The following TTLL11 variants were observed in gnomAD, a reference collection of about 807,000 sequenced individuals.
TTLL11 encodes tubulin polyglutamylase TTLL11.
TTLL11 carries 42 observed loss-of-function variants against 51.7 expected under a neutral mutation model. That is an observed-to-expected ratio of 0.81 (90% CI 0.64 to 1.05). The LOEUF (loss-of-function observed/expected upper bound fraction) is 1.05. Ranked by LOEUF, TTLL11 falls within the 50% of genes least tolerant of loss-of-function variation. The pLI is 0.00. For missense variants in TTLL11, 799 were observed against 940.4 expected, an observed-to-expected ratio of 0.85 and a Z score of 1.97; for synonymous variants, 381 against 383.5, an observed-to-expected ratio of 0.99 and a Z score of 0.08.
intron 3 of TTLL11, among the ~76,000 whole-genome samples, chr9:122,011,161 C>T (rs1319775982): frequency 6.6e-6 from 1 of 152,192 alleles, no homozygotes; most frequent in Non-Finnish European, 1.5e-5. Context: ...CTCTCATTCT[C>T]ACTTGCCTGC....
chr9:121,885,976 G>A (rs1838998218), intron 6 of TTLL11, among the ~76,000 whole-genome samples: 1 of 152,170 alleles, frequency 6.6e-6, no homozygotes, highest in African/African-American at 2.4e-5. Context: ...GAAACCTTCT[G>A]CCTTGGACTC....
chr9:121,899,130 C>T (rs781758263), intron 6 of TTLL11, among the ~76,000 whole-genome samples: 13 of 152,086 alleles, frequency 8.5e-5, no homozygotes, highest in Non-Finnish European at 1.5e-4. Context: ...CACCTTGCAG[C>T]TCCTTGAACT....
chr9:122,003,107 G>C (rs574975060), intron 3 of TTLL11, among the ~76,000 whole-genome samples: 1 of 152,182 alleles, frequency 6.6e-6, no homozygotes, highest in African/African-American at 2.4e-5. Context: ...AGGATGTCAA[G>C]ATAGAATACC....
chr9:121,991,837 T>G (rs1843123485), intron 3 of TTLL11, among the ~76,000 whole-genome samples: 1 of 152,130 alleles, frequency 6.6e-6, no homozygotes, highest in African/African-American at 2.4e-5. Context: ...CATCACCCAG[T>G]ACTCTCAAAA....
chr9:121,849,577 C>T (rs1310683650), intron 8 of TTLL11, among the ~76,000 whole-genome samples: 1 of 152,068 alleles, frequency 6.6e-6, no homozygotes, highest in Non-Finnish European at 1.5e-5. Context: ...TCAATTAAAA[C>T]ATGGGCAAAA....
intron 3 of TTLL11, among the ~76,000 whole-genome samples, chr9:122,029,550 G>A (rs1030293784): frequency 2.6e-5 from 4 of 152,168 alleles, no homozygotes; most frequent in African/African-American, 9.7e-5. Context: ...AAAAGGCTTA[G>A]GGAATAAGAA....
chr9:121,958,014 AC>A (rs756391811), intron 6 of TTLL11, among the ~76,000 whole-genome samples: 1 of 152,228 alleles, frequency 6.6e-6, no homozygotes, highest in Non-Finnish European at 1.5e-5. Context: ...TATGTCATGT[AC>A]CTAGTAGGAA....
chr9:122,018,707 T>C (rs979599531), intron 3 of TTLL11, among the ~76,000 whole-genome samples: 7 of 152,238 alleles, frequency 4.6e-5, no homozygotes, highest in Admixed American at 6.5e-5. Context: ...AGTCTTATTC[T>C]GTATGCGCCA....
intron 8 of TTLL11, among the ~76,000 whole-genome samples, chr9:121,834,689 T>C (rs932166934): frequency 2.0e-5 from 3 of 152,068 alleles, no homozygotes; most frequent in African/African-American, 7.2e-5. Flanking sequence ...TAGCCGGGCA[T>C]GGTGGCACAC....
intron 7 of TTLL11, among the ~76,000 whole-genome samples, chr9:121,865,549 T>G (rs1838152263): frequency 6.6e-6 from 1 of 152,046 alleles, no homozygotes; most frequent in South Asian, 2.1e-4. Context: ...TTTGTAAAAA[T>G]TTTCCTTCGT....
At chr9:122,016,609 G>A (rs1256808485) in intron 3 of TTLL11, among the ~76,000 whole-genome samples, 1 of 152,106 alleles carries the variant, frequency 6.6e-6, no homozygotes, top group African/African-American at 2.4e-5. Flanking sequence ...TGTTCTCTGG[G>A]GGTTTTTGCA....
Position 122,092,941 on chromosome 9 carries a change from G to A in TTLL11, c.208C>T (p.Pro70Ser), listed in dbSNP as rs61742325. Reference sequence around the variant, plus strand: ...GTGTTCCCCTCCTCAGCCGCACTGGGCTGCGCCGGGGCCGGGGCCAGGACC... The same window carrying A: ...GTGTTCCCCTCCTCAGCCGCACTGGACTGCGCCGGGGCCGGGGCCAGGACC... Reference protein sequence around the residue: ...PKVLAPAPAQPSAAEEGNTQV... With the variant: ...PKVLAPAPAQSSAAEEGNTQV... The change falls in exon 1 of 9, where the codon CCC becomes TCC. Residue 70 changes from proline (P) to serine (S), a missense_variant. Pro to Ser is a moderately conservative substitution (Grantham distance 74, BLOSUM62 -1). Transcript: ENST00000321582. 8.4e-3 allele frequency: 13,355 copies of A among 1,580,814 alleles called. 837 individuals carry two copies. The African/African-American group carries it at 0.15, about 17-fold the overall frequency.
intron 6 of TTLL11, among the ~76,000 whole-genome samples, chr9:121,886,738 T>A (rs1037714850): frequency 3.3e-5 from 5 of 152,188 alleles, no homozygotes; most frequent in African/African-American, 9.7e-5. Flanking sequence ...TGTGAGATCA[T>A]GTAACTGGAA....
chr9:121,895,762 TTTTGTGTTA>T (rs1564293155), intron 6 of TTLL11, among the ~76,000 whole-genome samples: 20 of 118,952 alleles, frequency 1.7e-4, no homozygotes, highest in Non-Finnish European at 2.5e-4. Context: ...TGTGTTATTG[TTTTGTGTTA>T]GTGTGTGGGT....
At chr9:121,887,155 A>G (rs1038188088) in intron 6 of TTLL11, among the ~76,000 whole-genome samples, 1 of 152,216 alleles carries the variant, frequency 6.6e-6, no homozygotes, top group Non-Finnish European at 1.5e-5. Context: ...TACAGCCATG[A>G]CATGTTCACT....
chr9:121,837,500 G>A (rs909568451), intron 8 of TTLL11, among the ~76,000 whole-genome samples: 9 of 152,112 alleles, frequency 5.9e-5, no homozygotes, highest in East Asian at 3.9e-4. Context: ...GGTCTGGCAG[G>A]TGGGCCTGGA....
intron 1 of TTLL11, among the ~76,000 whole-genome samples, chr9:122,084,428 C>A (rs960184605): frequency 6.6e-6 from 1 of 152,084 alleles, no homozygotes; most frequent in South Asian, 2.1e-4. Context: ...CAATTTGATA[C>A]GAGGAGGAAG....
At chr9:122,006,110 C>A (rs964085188) in intron 3 of TTLL11, among the ~76,000 whole-genome samples, 11 of 151,820 alleles carry the variant, frequency 7.2e-5, no homozygotes, top group South Asian at 2.1e-4. Context: ...GAGGCCAAGG[C>A]GGGTGGATCA....
At chr9:122,048,096 C>T (rs1175656176) in intron 1 of TTLL11, among the ~76,000 whole-genome samples, 1 of 152,212 alleles carries the variant, frequency 6.6e-6, no homozygotes, top group Non-Finnish European at 1.5e-5. Flanking sequence ...CATCTCCCTT[C>T]CTCCAGGGTC....
Sources: gnomAD v4.1 joint callset for allele counts (sites outside exome capture counted in the v4.1 genomes callset) on GRCh38, gnomAD v4.1.1 for gene constraint, MANE v1.5 for transcripts, NCBI Gene and HGNC (gene_info 2026-07-23, HGNC 2026-07-21) for gene names.